DYNC2I1: variants seen among roughly 807,000 people sequenced by gnomAD.
DYNC2I1 encodes the protein dynein 2 intermediate chain 1.
Under a neutral mutation model 133.4 loss-of-function variants are expected in DYNC2I1, and 89 were observed. The observed-to-expected ratio is 0.67, with a 90% CI of 0.56 to 0.80. The LOEUF is 0.80. Among genes scored for constraint, DYNC2I1 ranks in the 30% least tolerant of loss-of-function variants. The pLI, the probability that DYNC2I1 is intolerant of heterozygous loss-of-function variation, is 0.00. For missense variants in DYNC2I1, 1,291 were observed against 1,314.5 expected, an observed-to-expected ratio of 0.98 and a Z score of 0.28; for synonymous variants, 504 against 484.3, an observed-to-expected ratio of 1.04 and a Z score of -0.54.
chr7:158,917,182 A>G (rs186440208), intron 14 of DYNC2I1, among the ~76,000 whole-genome samples: 3,214 of 141,126 alleles, frequency 0.023, 301 homozygotes, highest in African/African-American at 0.085. Flanking sequence ...GGTTGACATT[A>G]AGGATGATTG....
At chr7:158,911,817 G>A in intron 12 of DYNC2I1, 138 bp downstream of exon 12, 1 of 1,183,792 alleles carries the variant, frequency 8.4e-7, no homozygotes, top group African/African-American at 1.5e-5. Context: ...GGGAAAATGG[G>A]GACCCATCTT....
upstream of DYNC2I1, among the ~76,000 whole-genome samples, chr7:158,856,178 C>T (rs1187534087): frequency 6.6e-6 from 1 of 151,966 alleles, no homozygotes; most frequent in Non-Finnish European, 1.5e-5. Context: ...GATCTCCTGA[C>T]CTCATGATCC....
At chr7:158,865,217 T>G (rs1321188095) in intron 1 of DYNC2I1, among the ~76,000 whole-genome samples, 1 of 152,230 alleles carries the variant, frequency 6.6e-6, no homozygotes, top group African/African-American at 2.4e-5. Flanking sequence ...GGAAGTGATT[T>G]CAGCCCAGGT....
In DYNC2I1 at chr7:158,902,531, CGA is replaced by C; in HGVS notation, c.1295_1296del (p.Glu432ValfsTer11). ...TTAATGCAGAAAATGAAAGGATTGG[CGA>C]GTTATCTTTGAAACTGTTTCAGAAG... The part of the protein sequence containing the change: ...AINAENERIG[E>X]LSLKLFQKRG... On this transcript the variant is annotated frameshift_variant, in exon 10 of 25. Transcript: ENST00000407559. LOFTEE classifies it high-confidence loss of function. 1 of 1,613,964 alleles carries C rather than the reference CGA, an allele frequency of 6.2e-7. No individual in the cohort carries two copies. Among genetic ancestry groups the C allele is most frequent in the Non-Finnish European group, 8.5e-7 (1 of 1,179,874 alleles).
chr7:158,862,685 C>T (rs983040305), intron 1 of DYNC2I1, among the ~76,000 whole-genome samples: 9 of 151,928 alleles, frequency 5.9e-5, no homozygotes, highest in African/African-American at 1.5e-4. Flanking sequence ...GCACTGTGTC[C>T]GGAGTTGGTT....
At chr7:158,857,417 G>A (rs1214001359) in intron 1 of DYNC2I1, among the ~76,000 whole-genome samples, 1 of 151,884 alleles carries the variant, frequency 6.6e-6, no homozygotes, top group Admixed American at 6.5e-5. Flanking sequence ...GAAAGATGAG[G>A]AATTTAATTT....
At chr7:158,896,520 T>C (rs184634374) in intron 8 of DYNC2I1, among the ~76,000 whole-genome samples, 123 of 152,296 alleles carry the variant, frequency 8.1e-4, no homozygotes, top group African/African-American at 2.9e-3. Context: ...CGCTCAGACT[T>C]GAGTGCAGTG....
intron 5 of DYNC2I1, among the ~76,000 whole-genome samples, chr7:158,883,673 T>TC (rs1172496140): frequency 1.4e-5 from 2 of 144,504 alleles, no homozygotes. Flanking sequence ...TTTTTTTTTT[T>TC]TTTTTTTTGA....
chr7:158,865,107 G>T (rs1005298553), intron 1 of DYNC2I1, among the ~76,000 whole-genome samples: 1 of 152,226 alleles, frequency 6.6e-6, no homozygotes, highest in African/African-American at 2.4e-5. Context: ...GATGGCACAG[G>T]GGTGGGGTTT....
At chr7:158,845,624 T>A in the DYNC2I1 span, among the ~76,000 whole-genome samples, 1 of 152,216 alleles carries the variant, frequency 6.6e-6, no homozygotes, top group Non-Finnish European at 1.5e-5. Context: ...ACTGGTAAAA[T>A]GCCCGTATAC....
chr7:158,856,641 C>G lies in DYNC2I1; in HGVS notation c.-95C>G. Reference sequence around the variant, plus strand: ...TCGGTTGCTAGGCGCTGGGACGCGCCTCCCGAAGGGTGCGGGGCACAGGTG... The same window carrying G: ...TCGGTTGCTAGGCGCTGGGACGCGCGTCCCGAAGGGTGCGGGGCACAGGTG... On this transcript the variant is annotated 5_prime_UTR_variant, in exon 1 of 25. Coordinates refer to ENST00000407559, the MANE Select transcript of DYNC2I1 (RefSeq NM_018051.5). 1 of 1,197,952 alleles carries G rather than the reference C, an allele frequency of 8.3e-7. No individual in the cohort carries two copies. Among genetic ancestry groups the G allele is most frequent in the East Asian group, 3.2e-5 (1 of 31,410 alleles). The allele number at this position is 1,197,952 out of a possible 1,614,324, so 74.2% of individuals were successfully genotyped here.
At chr7:158,881,663 C>T (rs532190140) in intron 5 of DYNC2I1, among the ~76,000 whole-genome samples, 35 of 152,086 alleles carry the variant, frequency 2.3e-4, no homozygotes, top group Non-Finnish European at 3.8e-4. Context: ...CCGTGTTAGC[C>T]AGGATGGTCT....
chr7:158,939,860 AAAT>A (rs1265368339), intron 23 of DYNC2I1, among the ~76,000 whole-genome samples: 3 of 152,190 alleles, frequency 2.0e-5, no homozygotes, highest in African/African-American at 7.2e-5. Context: ...AGACTGTAAA[AAAT>A]GACAAAAAGG....
intron 14 of DYNC2I1, among the ~76,000 whole-genome samples, chr7:158,918,060 C>T (rs1848658123): frequency 6.6e-6 from 1 of 152,100 alleles, no homozygotes; most frequent in Non-Finnish European, 1.5e-5. Flanking sequence ...CTGCCTCCCG[C>T]CCTCCCATAT....
intron 11 of DYNC2I1, among the ~76,000 whole-genome samples, chr7:158,909,371 C>T (rs79684907): frequency 1.4e-5 from 2 of 144,478 alleles, no homozygotes; most frequent in African/African-American, 2.5e-5. Context: ...TACTTCAGTA[C>T]TGATGAGAAT....
In DYNC2I1 at chr7:158,914,222, G is replaced by GT. The variant is rs575011637; in HGVS notation, c.1703-3dup. 77 of 1,598,056 alleles carry GT rather than the reference G, an allele frequency of 4.8e-5. No individual in the cohort carries two copies. The highest frequency in any genetic ancestry group is 2.1e-4 in the South Asian group (19 of 88,790). On this transcript the variant is annotated splice_polypyrimidine_tract_variant and intron_variant, in intron 13 of 24. Coordinates refer to ENST00000407559, the MANE Select transcript of DYNC2I1 (RefSeq NM_018051.5). The stretch of plus-strand genomic sequence containing the variant: ...CGACTTCGTTGATTTTATATAAACT[G>GT]TTTTTTTTAGGCAGTGAACAAAGAG...
chr7:158,934,004 C>T, intron 21 of DYNC2I1, 125 bp from the exon 22 acceptor site: 1 of 680,088 alleles, frequency 1.5e-6, no homozygotes, highest in Non-Finnish European at 2.5e-6. Context: ...TGGCTAAACC[C>T]ACAGAGGAAT....
chr7:158,924,878 C>T (rs1849462886), intron 17 of DYNC2I1, among the ~76,000 whole-genome samples: 1 of 152,110 alleles, frequency 6.6e-6, no homozygotes, highest in Non-Finnish European at 1.5e-5. Flanking sequence ...CTTCAGACTC[C>T]TGAGTATCTG....
chr7:158,937,619 C>G (rs1349157144), intron 23 of DYNC2I1, among the ~76,000 whole-genome samples: 2 of 20,460 alleles, frequency 9.8e-5, no homozygotes, highest in African/African-American at 3.0e-4. Flanking sequence ...GAGACTGTCT[C>G]AAGAAAAAAA....
Sources: gnomAD v4.1 joint callset for allele counts (sites outside exome capture counted in the v4.1 genomes callset) on GRCh38, gnomAD v4.1.1 for gene constraint, MANE v1.5 for transcripts, NCBI Gene and HGNC (gene_info 2026-07-23, HGNC 2026-07-21) for gene names.